Variants in PTPRM observed in about 807,000 individuals in gnomAD.
PTPRM encodes the protein protein tyrosine phosphatase receptor type M.
Under a neutral mutation model 186.7 loss-of-function variants are expected in PTPRM, and 47 were observed. That is an observed-to-expected ratio of 0.25 (90% confidence interval 0.20 to 0.32). PTPRM has a LOEUF of 0.32. PTPRM is among the 10% of genes least tolerant of loss of function. PTPRM has a pLI of 1.00. For missense variants in PTPRM, 1,494 were observed against 1,865.0 expected, an observed-to-expected ratio of 0.80 and a Z score of 3.66; for synonymous variants, 668 against 674.9, an observed-to-expected ratio of 0.99 and a Z score of 0.16.
Position 7,704,003 on chromosome 18 carries a change from T to C in PTPRM, c.74-70146T>C, listed in dbSNP as rs62089834. ...TGGATTTACGTATGTTGAACCAGCCTTGCATCCTAGGGATGAAGTCGACTT... is the reference window on the plus strand; with the variant it reads ...TGGATTTACGTATGTTGAACCAGCCCTGCATCCTAGGGATGAAGTCGACTT... On this transcript the variant is annotated intron_variant, in intron 1 of 32. Transcript: ENST00000580170. Among the ~76,000 whole-genome samples the C allele has an allele frequency of 5.1e-3, 780 of 152,342 alleles. 4 individuals are homozygous for C. The highest frequency in any genetic ancestry group is 8.5e-3 in the Non-Finnish European group (578 of 68,026).
chr18:7,811,826 C>G (rs1000237014), intron 2 of PTPRM, among the ~76,000 whole-genome samples: 3 of 152,136 alleles, frequency 2.0e-5, no homozygotes, highest in Non-Finnish European at 4.4e-5. Flanking sequence ...CAATTATAAT[C>G]TATATTCTGA....
At chr18:7,920,968 C>T (rs967695278) in intron 4 of PTPRM, among the ~76,000 whole-genome samples, 1 of 152,120 alleles carries the variant, frequency 6.6e-6, no homozygotes, top group Non-Finnish European at 1.5e-5. Context: ...CATATGAACC[C>T]TGATTCCTTT....
At chr18:7,606,305 G>T (rs16952206) in intron 1 of PTPRM, among the ~76,000 whole-genome samples, 9,327 of 152,116 alleles carry the variant, frequency 0.061, 532 homozygotes, top group African/African-American at 0.15. Context: ...TCTTACTGTG[G>T]TTGCTTCTGT....
chr18:7,812,549 A>T (rs2145497918), intron 2 of PTPRM, among the ~76,000 whole-genome samples: 1 of 152,308 alleles, frequency 6.6e-6, no homozygotes, highest in South Asian at 2.1e-4. Context: ...AGCTATTTAT[A>T]AAAAGATGGA....
At chr18:7,643,087 T>C (rs1402888239) in intron 1 of PTPRM, among the ~76,000 whole-genome samples, 1 of 152,018 alleles carries the variant, frequency 6.6e-6, no homozygotes, top group African/African-American at 2.4e-5. Flanking sequence ...TTCCTTATGC[T>C]CTGGTACAAG....
At chr18:8,383,988 A>G (rs560027836) in intron 29 of PTPRM, among the ~76,000 whole-genome samples, 9 of 152,334 alleles carry the variant, frequency 5.9e-5, no homozygotes, top group African/African-American at 2.2e-4. Context: ...ACCTCGTTGG[A>G]AAGCAGAATT....
At chr18:7,614,034 A>G (rs1005288232) in intron 1 of PTPRM, among the ~76,000 whole-genome samples, 10 of 152,204 alleles carry the variant, frequency 6.6e-5, no homozygotes, top group African/African-American at 2.2e-4. Context: ...TCATTTAACA[A>G]TGGGGTCTGC....
intron 4 of PTPRM, among the ~76,000 whole-genome samples, chr18:7,918,570 C>G (rs2050692582): frequency 1.3e-5 from 2 of 152,054 alleles, no homozygotes; most frequent in Admixed American, 6.5e-5. Flanking sequence ...TCTTACTTAA[C>G]AACAGAATGG....
chr18:8,289,631 T>TACACATATATATATAC (rs2095019470), intron 19 of PTPRM, among the ~76,000 whole-genome samples: 1 of 145,350 alleles, frequency 6.9e-6, no homozygotes, highest in South Asian at 2.1e-4. Flanking sequence ...CATATATATA[T>TACACATATATATATAC]ACACACATAT....
chr18:8,378,803 A>G (rs2095712460), intron 27 of PTPRM, among the ~76,000 whole-genome samples: 1 of 152,060 alleles, frequency 6.6e-6, no homozygotes, highest in Non-Finnish European at 1.5e-5. Context: ...AGAGCTCTCC[A>G]TTGTATTCCT....
chr18:8,129,518 G>A (rs1026566212), intron 13 of PTPRM, among the ~76,000 whole-genome samples: 1 of 152,138 alleles, frequency 6.6e-6, no homozygotes, highest in Non-Finnish European at 1.5e-5. Context: ...ACAGTTTTCA[G>A]TCTAAAGATC....
At chr18:7,594,647 T>C (rs2037211073) in intron 1 of PTPRM, among the ~76,000 whole-genome samples, 1 of 152,166 alleles carries the variant, frequency 6.6e-6, no homozygotes, top group Non-Finnish European at 1.5e-5. Context: ...AGAGAAACCA[T>C]TTTCCTTGTT....
chr18:7,799,559 ATCT>A (rs2043844320), intron 2 of PTPRM, among the ~76,000 whole-genome samples: 1 of 151,992 alleles, frequency 6.6e-6, no homozygotes, highest in South Asian at 2.1e-4. Flanking sequence ...ATTTATTTAG[ATCT>A]TCTTTTTTCT....
rs538779275 is a variant in PTPRM at position 7,814,148 on chromosome 18, A to G, written c.196+39877A>G. ...AACTTGTGAGGTTATACTTGTTTTC[A>G]GCTACTTTTCTATAGGGATTGTGGG... On this transcript the variant is annotated intron_variant, in intron 2 of 32. Coordinates refer to ENST00000580170, the MANE Select transcript of PTPRM (RefSeq NM_001105244.2). 10 of 152,244 alleles carry G rather than the reference A, an allele frequency of 6.6e-5. No individual in the cohort carries two copies. In the East Asian group the frequency reaches 1.9e-3, roughly 29 times the overall value. 9.4% of individuals were successfully genotyped at this position (152,244 alleles called of 1,614,324 possible).
intron 2 of PTPRM, among the ~76,000 whole-genome samples, chr18:7,883,001 T>C (rs998016135): frequency 2.0e-5 from 3 of 152,248 alleles, no homozygotes; most frequent in African/African-American, 7.2e-5. Context: ...GTTTTCCTTT[T>C]TGGGGAAACC....
At chr18:7,794,482 C>T (rs1008207623) in intron 2 of PTPRM, among the ~76,000 whole-genome samples, 6 of 152,066 alleles carry the variant, frequency 3.9e-5, no homozygotes, top group African/African-American at 1.2e-4. Flanking sequence ...TTGAGTTCCA[C>T]CTGGGTATGT....
chr18:7,925,900 C>T (rs901917170), intron 4 of PTPRM, among the ~76,000 whole-genome samples: 1 of 152,112 alleles, frequency 6.6e-6, no homozygotes, highest in East Asian at 1.9e-4. Flanking sequence ...AACAGCTGTC[C>T]CATATGGACA....
intron 11 of PTPRM, among the ~76,000 whole-genome samples, chr18:8,105,041 A>T (rs2091456451): frequency 6.6e-6 from 1 of 152,126 alleles, no homozygotes; most frequent in Non-Finnish European, 1.5e-5. Flanking sequence ...CAGTTTTCAA[A>T]CCTTTTGAAA....
At chr18:8,391,610 C>T (rs1008276869) in intron 31 of PTPRM, among the ~76,000 whole-genome samples, 2 of 152,174 alleles carry the variant, frequency 1.3e-5, no homozygotes, top group Non-Finnish European at 2.9e-5. Flanking sequence ...GAGGAAGGAA[C>T]GTGAGGGAGC....
Sources: allele counts gnomAD v4.1 joint callset (sites outside exome capture counted in the v4.1 genomes callset), GRCh38; gene constraint gnomAD v4.1.1; transcripts MANE v1.5; gene names NCBI Gene and HGNC (gene_info 2026-07-23, HGNC 2026-07-21).